The following CCDC50 variants were observed in gnomAD, a reference collection of about 807,000 sequenced individuals.
CCDC50 encodes the protein coiled-coil domain containing 50.
Under a neutral mutation model 70.2 loss-of-function variants are expected in CCDC50, and 54 were observed. The observed-to-expected ratio is 0.77, with a 90% CI of 0.62 to 0.96. The LOEUF (loss-of-function observed/expected upper bound fraction) is 0.96, where lower values mean the gene tolerates loss of function less well. CCDC50 is among the 50% of genes least tolerant of loss of function. The pLI is 0.00. For synonymous variants in CCDC50, 216 were observed against 198.8 expected (o/e 1.09, Z -0.73); for missense variants, 558 against 578.7 (o/e 0.96, Z 0.37).
chr3:191,380,672 T>A lies in CCDC50; in HGVS notation c.1093-15T>A. Reference sequence around the variant, plus strand: ...TCCAATTAAATTCTTTGTTTTTGTATTTTCGATATCATAGGCTACCCAGGT... The same window carrying A: ...TCCAATTAAATTCTTTGTTTTTGTAATTTCGATATCATAGGCTACCCAGGT... On this transcript the variant is annotated splice_polypyrimidine_tract_variant and intron_variant, in intron 7 of 11. Transcript: ENST00000392455. 1 of 1,610,504 alleles carries A rather than the reference T, an allele frequency of 6.2e-7. No homozygotes were observed. The highest frequency in any genetic ancestry group is 8.5e-7 in the Non-Finnish European group (1 of 1,177,802).
intron 1 of CCDC50, among the ~76,000 whole-genome samples, chr3:191,332,866 C>CTAA (rs1403894849): frequency 3.3e-4 from 50 of 152,332 alleles, no homozygotes; most frequent in African/African-American, 1.1e-3. Context: ...CCCTCTCTAA[C>CTAA]CAAGATGTTG....
chr3:191,348,959 C>T (rs1712014946), intron 1 of CCDC50, among the ~76,000 whole-genome samples: 1 of 141,960 alleles, frequency 7.0e-6, no homozygotes, highest in Admixed American at 7.2e-5. Flanking sequence ...TTTTAGCTAT[C>T]AGTGATCAGC....
Position 191,389,517 on chromosome 3 carries a change from A to T in CCDC50, c.1344A>T (p.Thr448=), listed in dbSNP as rs759636057. The change falls in exon 11 of 12, where the codon ACA becomes ACT. Residue 448 remains threonine, a synonymous_variant. Transcript: ENST00000392455. The stretch of plus-strand genomic sequence containing the variant: ...TTAGGCCACCACCACCTATCATGAC[A>T]GATGGTGAAGATGCGGATTACACTC... The part of the protein sequence containing the change: ...RPARPPPPIM[T]DGEDADYTHF... The T allele has an allele frequency of 2.1e-5, 34 of 1,614,016 alleles. No individual in the cohort carries two copies. The highest frequency in any genetic ancestry group is 8.5e-7 in the Non-Finnish European group (1 of 1,179,966).
At position 191,389,234 on chromosome 3, in the gene CCDC50, G is replaced by T. The variant is rs16822378; in HGVS notation, c.1323-262G>T. On this transcript the variant is annotated intron_variant, in intron 10 of 11. Coordinates refer to ENST00000392455, the MANE Select transcript of CCDC50 (RefSeq NM_178335.3). ...CAGCAGTCACATCTCACTAATCTTT[G>T]TTTATTTAGCCCAGTTCCTAACATG... Among the ~76,000 whole-genome samples the T allele has an allele frequency of 0.098, 14,880 of 151,924 alleles. 805 individuals are homozygous for T. Among genetic ancestry groups the T allele is most frequent in the East Asian group, 0.24 (1,241 of 5,174 alleles).
chr3:191,374,590 A>G (rs1030324207), intron 5 of CCDC50, among the ~76,000 whole-genome samples: 3 of 152,212 alleles, frequency 2.0e-5, no homozygotes, highest in Non-Finnish European at 2.9e-5. Context: ...AAGAGAAACT[A>G]GCAATATTCT....
intron 4 of CCDC50, among the ~76,000 whole-genome samples, chr3:191,365,492 AAGTCTT>A: frequency 6.6e-6 from 1 of 152,118 alleles, no homozygotes; most frequent in Admixed American, 6.6e-5. Context: ...CTTCTTGTTG[AAGTCTT>A]CCTCTCTTCT....
chr3:191,380,099 A>C, intron 6 of CCDC50, 60 bp from the exon 7 acceptor site: 1 of 1,063,880 alleles, frequency 9.4e-7, no homozygotes, highest in Non-Finnish European at 1.4e-6. Flanking sequence ...TAAATTTCTT[A>C]ACTTTTCAGA....
rs774230614 is a variant in CCDC50, at chr3:191,375,140, CTG to C, written c.530_531del (p.Val177GlufsTer31). ...TGTAGACTCCAAAGAGATGGAAAGACTGTGAAGCACAAGAAAGAGAAACCAGA... is the reference window on the plus strand; with the variant it reads ...TGTAGACTCCAAAGAGATGGAAAGACTGAAGCACAAGAAAGAGAAACCAGA... On this transcript the variant is annotated frameshift_variant, in exon 6 of 12. Coordinates refer to ENST00000392455, the MANE Select transcript of CCDC50 (RefSeq NM_178335.3). LOFTEE classifies it high-confidence loss of function. 3.7e-6 allele frequency: 6 copies of C among 1,613,718 alleles called. No homozygotes were observed. The highest frequency in any genetic ancestry group is 5.1e-6 in the Non-Finnish European group (6 of 1,179,774).
chr3:191,389,384 T>C, intron 10 of CCDC50, 112 bp from the exon 11 acceptor site: 1 of 866,430 alleles, frequency 1.2e-6, no homozygotes, highest in Non-Finnish European at 2.0e-6. Flanking sequence ...TTCTGAAGCA[T>C]TTTGGCTTTT....
Position 191,398,328 on chromosome 3 carries a change from A to G in CCDC50, c.*6568A>G, listed in dbSNP as rs1713928174. The G allele has an allele frequency of 1.3e-5, 2 of 152,218 alleles. No individual in the cohort carries two copies. The highest frequency in any genetic ancestry group is 4.8e-5 in the African/African-American group (2 of 41,452). 9.4% of individuals were successfully genotyped at this position (152,218 alleles called of 1,614,324 possible). A position where few individuals can be genotyped will look rare whatever the true frequency, so the allele number is the denominator to read the frequency against. ...TGATATTATGAATAATTTTTAAACC[A>G]AAGTATTCTATAAGTCTGTGTGCTT... On this transcript the variant is annotated 3_prime_UTR_variant, in exon 12 of 12. Coordinates refer to ENST00000392455, the MANE Select transcript of CCDC50 (RefSeq NM_178335.3).
At chr3:191,369,666 C>T (rs892130767) in intron 4 of CCDC50, among the ~76,000 whole-genome samples, 4 of 152,164 alleles carry the variant, frequency 2.6e-5, no homozygotes, top group Non-Finnish European at 4.4e-5. Context: ...TTAGGAAGTA[C>T]TGAGTTTTGA....
intron 1 of CCDC50, among the ~76,000 whole-genome samples, chr3:191,332,747 T>C (rs757409025): frequency 2.0e-5 from 3 of 152,230 alleles, no homozygotes; most frequent in Non-Finnish European, 2.9e-5. Flanking sequence ...AGCTTCTTCA[T>C]TGAATTTTTC....
Position 191,380,154 on chromosome 3 carries a change from T to TA in CCDC50, c.977-2dup, listed in dbSNP as rs397874464. 7.5e-6 allele frequency: 11 copies of TA among 1,460,252 alleles called. No homozygotes were observed. Among genetic ancestry groups the TA allele is most frequent in the Admixed American group, 3.6e-5 (2 of 55,886 alleles). 90.5% of individuals were successfully genotyped at this position (1,460,252 alleles called of 1,614,324 possible). On this transcript the variant is annotated splice_region_variant and splice_polypyrimidine_tract_variant and intron_variant, in intron 6 of 11. Coordinates refer to ENST00000392455, the MANE Select transcript of CCDC50 (RefSeq NM_178335.3). Reference sequence around the variant, plus strand: ...ATTACATTGAGTTTTTTTTTTTTTTTAAAGGAATGAAGCCAAGAGTGATGA... The same window carrying TA: ...ATTACATTGAGTTTTTTTTTTTTTTTAAAAGGAATGAAGCCAAGAGTGATGA...
intron 6 of CCDC50, among the ~76,000 whole-genome samples, chr3:191,378,350 C>G (rs1306312031): frequency 6.6e-6 from 1 of 152,104 alleles, no homozygotes; most frequent in Non-Finnish European, 1.5e-5. Context: ...AACAATGTGT[C>G]TTTAATAAAA....
intron 10 of CCDC50, among the ~76,000 whole-genome samples, chr3:191,384,245 G>A (rs1341826685): frequency 6.6e-6 from 1 of 152,072 alleles, no homozygotes; most frequent in Non-Finnish European, 1.5e-5. Context: ...TTTTACCTTA[G>A]AGGAACATTT....
Position 191,396,742 on chromosome 3 carries a change from A to G in CCDC50, c.*4982A>G, listed in dbSNP as rs1276947801. The G allele has an allele frequency of 6.6e-6, 1 of 152,210 alleles. No homozygotes were observed. The highest frequency in any genetic ancestry group is 1.5e-5 in the Non-Finnish European group (1 of 68,020). 9.4% of individuals were successfully genotyped at this position (152,210 alleles called of 1,614,324 possible). A position where few individuals can be genotyped will look rare whatever the true frequency, so the allele number is the denominator to read the frequency against. ...GAAGAGTGTTTCTGTTTTATTACTTATAAGAGAAAAGCAGGAAAACTTTTG... is the reference window on the plus strand; with the variant it reads ...GAAGAGTGTTTCTGTTTTATTACTTGTAAGAGAAAAGCAGGAAAACTTTTG... On this transcript the variant is annotated 3_prime_UTR_variant, in exon 12 of 12. Coordinates refer to ENST00000392455, the MANE Select transcript of CCDC50 (RefSeq NM_178335.3).
intron 10 of CCDC50, among the ~76,000 whole-genome samples, chr3:191,386,049 G>A (rs1379961157): frequency 6.6e-6 from 1 of 152,040 alleles, no homozygotes; most frequent in Admixed American, 6.6e-5. Flanking sequence ...TTGAAGTCTG[G>A]TAATGTCATG....
intron 4 of CCDC50, among the ~76,000 whole-genome samples, chr3:191,365,045 A>C (rs1712632830): frequency 6.6e-6 from 1 of 151,894 alleles, no homozygotes; most frequent in Non-Finnish European, 1.5e-5. Flanking sequence ...GTTATTCTTA[A>C]CTAAAACTCT....
In CCDC50 at chr3:191,395,058, C is replaced by G. The variant is rs1008881486; in HGVS notation, c.*3298C>G. Reference sequence around the variant, plus strand: ...TAGAAAAGAAAGATATGGATAGATGCTTTTAGGAGGAAAACCTTTTTAGAA... The same window carrying G: ...TAGAAAAGAAAGATATGGATAGATGGTTTTAGGAGGAAAACCTTTTTAGAA... On this transcript the variant is annotated 3_prime_UTR_variant, in exon 12 of 12. Transcript: ENST00000392455. 2.0e-5 allele frequency: 3 copies of G among 152,090 alleles called. No homozygotes were observed. The highest frequency in any genetic ancestry group is 2.0e-4 in the Admixed American group (3 of 15,270). The allele number at this position is 152,090 out of a possible 1,614,324, so 9.4% of individuals were successfully genotyped here.
Sources: allele counts gnomAD v4.1 joint callset (sites outside exome capture counted in the v4.1 genomes callset), GRCh38; gene constraint gnomAD v4.1.1; transcripts MANE v1.5; gene names NCBI Gene and HGNC (gene_info 2026-07-23, HGNC 2026-07-21).